Variants in IL1RAPL2 observed in about 807,000 individuals in gnomAD.
IL1RAPL2 encodes the protein X-linked interleukin-1 receptor accessory protein-like 2.
Under a neutral mutation model 44.1 loss-of-function variants are expected in IL1RAPL2, and 3 were observed. The ratio of observed to expected loss-of-function variants is 0.07; its 90% CI spans 0.03 to 0.18. The LOEUF is 0.18. IL1RAPL2 is among the 10% of genes least tolerant of loss of function. The probability of loss-of-function intolerance (pLI) is 1.00; values close to 1 mark genes in which losing one functional copy is unlikely to be tolerated. For synonymous variants in IL1RAPL2, 181 were observed against 178.8 expected, an observed-to-expected ratio of 1.01 and a Z score of -0.10; for missense variants, 391 against 496.4, an observed-to-expected ratio of 0.79 and a Z score of 2.02.
At chrX:105,609,549 A>C (rs757257692) in intron 6 of IL1RAPL2, among the ~76,000 whole-genome samples, 2 of 111,938 alleles carry the variant, frequency 1.8e-5, no homozygotes, top group Non-Finnish European at 3.8e-5. Flanking sequence ...TTCCTTTTTA[A>C]GTGCATGGAA....
chrX:105,560,901 G>A (rs2036931492), intron 6 of IL1RAPL2, among the ~76,000 whole-genome samples: 1 of 108,848 alleles, frequency 9.2e-6, no homozygotes, highest in Non-Finnish European at 1.9e-5. Context: ...TATATACACT[G>A]GAATATTTTA....
chrX:104,589,006 T>C (rs1255935637), intron 1 of IL1RAPL2, among the ~76,000 whole-genome samples: 1 of 112,096 alleles, frequency 8.9e-6, no homozygotes, highest in Non-Finnish European at 1.9e-5. Context: ...TTTTGGAGGT[T>C]GTATCAGTCA....
chrX:105,532,670 C>T (rs1274345861), intron 6 of IL1RAPL2, among the ~76,000 whole-genome samples: 2 of 109,523 alleles, frequency 1.8e-5, no homozygotes, highest in Non-Finnish European at 3.8e-5. Flanking sequence ...AGTTTTATAC[C>T]TTTCCTTATC....
rs141075723 is a variant in IL1RAPL2 at position 105,176,749 on chromosome X, C to G, written c.83-18726C>G. 2.7e-5 allele frequency among the ~76,000 whole-genome samples: 3 copies of G among 110,483 alleles called. No homozygotes were observed. In the East Asian group the frequency reaches 8.7e-4, roughly 32 times the overall value. ...AGGAGGAGTCCTCCCTCTTTCATTA[C>G]CACCCCTCCTTGACATTAACCTGGG... On this transcript the variant is annotated intron_variant, in intron 2 of 10. Coordinates refer to ENST00000372582, the MANE Select transcript of IL1RAPL2 (RefSeq NM_017416.2).
At chrX:104,697,507 A>G (rs1376918168) in intron 2 of IL1RAPL2, among the ~76,000 whole-genome samples, 1 of 112,233 alleles carries the variant, frequency 8.9e-6, no homozygotes, top group Non-Finnish European at 1.9e-5. Context: ...CCTAAGCAAC[A>G]TTTCACAAAA....
chrX:105,107,313 G>C (rs781377611), intron 2 of IL1RAPL2, among the ~76,000 whole-genome samples: 1 of 112,274 alleles, frequency 8.9e-6, no homozygotes, highest in Admixed American at 9.4e-5. Context: ...CAGAAATCTT[G>C]AGTTTGAGTC....
At chrX:105,557,168 G>C (rs1159180891) in intron 6 of IL1RAPL2, among the ~76,000 whole-genome samples, 1 of 111,876 alleles carries the variant, frequency 8.9e-6, no homozygotes, top group Non-Finnish European at 1.9e-5. Context: ...GAGCCATCCT[G>C]CAGATGTTAT....
At chrX:105,569,232 T>C (rs2036997260) in intron 6 of IL1RAPL2, among the ~76,000 whole-genome samples, 1 of 111,693 alleles carries the variant, frequency 9.0e-6, no homozygotes, top group South Asian at 3.7e-4. Context: ...CCTTAATTAT[T>C]ACTTTGATTC....
chrX:105,267,461 A>G lies in IL1RAPL2; in HGVS notation c.617A>G (p.Glu206Gly). The G allele has an allele frequency of 8.4e-7, 1 of 1,196,882 alleles. No individual in the cohort carries two copies. The highest frequency in any genetic ancestry group is 1.1e-6 in the Non-Finnish European group (1 of 883,895). ...GNALLIQEVQ[E>G]EDGGNYTCEL... is the part of the protein sequence containing the mutation. ...GCTCTTCTGATCCAAGAAGTTCAAGAAGAAGATGGAGGAAATTACACATGT... is the reference window on the plus strand; with the variant it reads ...GCTCTTCTGATCCAAGAAGTTCAAGGAGAAGATGGAGGAAATTACACATGT... The change falls in exon 5 of 11, where the codon GAA (glutamate) becomes GGA (glycine). Residue 206 changes from glutamate to glycine, a missense_variant. Glu to Gly is a moderately conservative substitution (Grantham distance 98). Transcript: ENST00000372582.
chrX:105,070,375 C>G (rs1177574936), intron 2 of IL1RAPL2, among the ~76,000 whole-genome samples: 1 of 111,749 alleles, frequency 8.9e-6, no homozygotes, highest in Non-Finnish European at 1.9e-5. Context: ...TTGGCTTACT[C>G]TCTAAATAGT....
chrX:105,682,006 C>A (rs1237423553), intron 6 of IL1RAPL2, among the ~76,000 whole-genome samples: 1 of 111,544 alleles, frequency 9.0e-6, no homozygotes, highest in African/African-American at 3.3e-5. Flanking sequence ...TTAGTTATTA[C>A]TGATAGCTTT....
chrX:105,697,922 C>T (rs189450310), intron 6 of IL1RAPL2, among the ~76,000 whole-genome samples: 1 of 111,004 alleles, frequency 9.0e-6, no homozygotes, highest in African/African-American at 3.3e-5. Flanking sequence ...ATTGTTAGGA[C>T]CAGAATTTAG....
At chrX:105,397,925 A>C (rs747006340) in intron 5 of IL1RAPL2, among the ~76,000 whole-genome samples, 194 of 109,542 alleles carry the variant, frequency 1.8e-3, no homozygotes, top group African/African-American at 6.2e-3. Context: ...TTCTCTTGTC[A>C]CTGTATTCAG....
chrX:104,715,417 C>CAA (rs57271887), intron 2 of IL1RAPL2, among the ~76,000 whole-genome samples: 1,980 of 72,321 alleles, frequency 0.027, 32 homozygotes, highest in Middle Eastern at 0.07. Flanking sequence ...TCTATTTTTT[C>CAA]AAAAAAAAAA....
At chrX:104,842,877 A>T (rs764940583) in intron 2 of IL1RAPL2, among the ~76,000 whole-genome samples, 1 of 112,662 alleles carries the variant, frequency 8.9e-6, no homozygotes, top group African/African-American at 3.2e-5. Flanking sequence ...GGTCAGGTAC[A>T]CACTCGAGGA....
chrX:105,034,742 G>T (rs964278804), intron 2 of IL1RAPL2, among the ~76,000 whole-genome samples: 33 of 112,136 alleles, frequency 2.9e-4, no homozygotes, highest in African/African-American at 1.1e-3. Context: ...GCTGCATGCT[G>T]GGAGAACCAC....
intron 2 of IL1RAPL2, among the ~76,000 whole-genome samples, chrX:104,918,653 C>T (rs1279730583): frequency 9.0e-6 from 1 of 111,712 alleles, no homozygotes; most frequent in African/African-American, 3.3e-5. Flanking sequence ...AACTTGTTTG[C>T]TGATACCTCA....
intron 5 of IL1RAPL2, among the ~76,000 whole-genome samples, chrX:105,412,616 A>C (rs2035705817): frequency 9.0e-6 from 1 of 111,241 alleles, no homozygotes; most frequent in Non-Finnish European, 1.9e-5. Flanking sequence ...AGATACAATT[A>C]GAAGGAAGAA....
chrX:105,214,979 T>C (rs7890702), intron 3 of IL1RAPL2, among the ~76,000 whole-genome samples: 1,156 of 112,484 alleles, frequency 0.01, 27 homozygotes, highest in African/African-American at 0.035. Context: ...GAGGGAAATG[T>C]ATAGCACTAA....
Sources: allele counts gnomAD v4.1 joint callset (sites outside exome capture counted in the v4.1 genomes callset), GRCh38; gene constraint gnomAD v4.1.1; transcripts MANE v1.5; gene names NCBI Gene and HGNC (gene_info 2026-07-23, HGNC 2026-07-21).